The following SDCCAG8 variants were observed in gnomAD, a reference collection of about 807,000 sequenced individuals.
SDCCAG8 encodes SHH signaling and ciliogenesis regulator SDCCAG8.
Under a neutral mutation model 101.8 loss-of-function variants are expected in SDCCAG8, and 74 were observed. That is an observed-to-expected ratio of 0.73 (90% CI 0.60 to 0.88). SDCCAG8 has a LOEUF of 0.88. Ranked by LOEUF, SDCCAG8 falls within the 40% of genes least tolerant of loss-of-function variation. SDCCAG8 has a pLI of 0.00. For missense variants in SDCCAG8, 787 were observed against 822.6 expected (o/e 0.96, Z 0.53); for synonymous variants, 281 against 292.9 (o/e 0.96, Z 0.41).
At chr1:243,288,864 G>A (rs772154671) in intron 5 of SDCCAG8, among the ~76,000 whole-genome samples, 6 of 151,860 alleles carry the variant, frequency 4.0e-5, no homozygotes, top group Admixed American at 2.6e-4. Flanking sequence ...AAAATTAGCC[G>A]GGCGTGGTGG....
At chr1:243,411,657 T>C (rs1002230242) in intron 13 of SDCCAG8, among the ~76,000 whole-genome samples, 1 of 152,206 alleles carries the variant, frequency 6.6e-6, no homozygotes, top group Non-Finnish European at 1.5e-5. Context: ...GTGTTTACTT[T>C]TCTTGAATGG....
chr1:243,465,358 G>C (rs1035401801), intron 16 of SDCCAG8, among the ~76,000 whole-genome samples: 8 of 152,258 alleles, frequency 5.3e-5, no homozygotes, highest in African/African-American at 1.9e-4. Context: ...AGCGAGCCAG[G>C]AGAACCAGCG....
intron 13 of SDCCAG8, among the ~76,000 whole-genome samples, chr1:243,401,013 A>C (rs1057408880): frequency 6.6e-6 from 1 of 152,166 alleles, no homozygotes; most frequent in Non-Finnish European, 1.5e-5. Context: ...GAAGTTTAGC[A>C]CTCATAATGT....
chr1:243,480,742 T>G (rs1574302757), intron 16 of SDCCAG8, among the ~76,000 whole-genome samples: 3 of 61,028 alleles, frequency 4.9e-5, no homozygotes, highest in Admixed American at 2.2e-4. Context: ...GAATGGGGGA[T>G]GGATGGATGG....
intron 13 of SDCCAG8, among the ~76,000 whole-genome samples, chr1:243,411,975 C>T (rs1286715481): frequency 1.3e-5 from 2 of 152,146 alleles, no homozygotes; most frequent in African/African-American, 2.4e-5. Flanking sequence ...CATCCTTCAC[C>T]AGGCTCTCAC....
At chr1:243,264,145 A>G (rs745737101) in intron 1 of SDCCAG8, among the ~76,000 whole-genome samples, 36 of 152,148 alleles carry the variant, frequency 2.4e-4, no homozygotes, top group Middle Eastern at 3.2e-3. Context: ...TCTCTTTCAC[A>G]TCTCCCAGGA....
At chr1:243,445,004 A>C (rs567240760) in intron 16 of SDCCAG8, among the ~76,000 whole-genome samples, 1 of 152,254 alleles carries the variant, frequency 6.6e-6, no homozygotes, top group Non-Finnish European at 1.5e-5. Context: ...TTAATCATTT[A>C]TATATGTGGT....
At chr1:243,387,385 A>C (rs1389442826) in intron 13 of SDCCAG8, among the ~76,000 whole-genome samples, 5 of 152,182 alleles carry the variant, frequency 3.3e-5, no homozygotes, top group Admixed American at 3.3e-4. Flanking sequence ...CAAAACCTTA[A>C]AAATTCTTAT....
chr1:243,379,985 A>G (rs969975575), intron 13 of SDCCAG8, among the ~76,000 whole-genome samples: 1 of 152,228 alleles, frequency 6.6e-6, no homozygotes, highest in African/African-American at 2.4e-5. Flanking sequence ...GTGAGTGTTA[A>G]GATGCCTCTG....
At chr1:243,288,747 G>A (rs891635536) in intron 5 of SDCCAG8, among the ~76,000 whole-genome samples, 4 of 152,068 alleles carry the variant, frequency 2.6e-5, no homozygotes, top group Non-Finnish European at 5.9e-5. Flanking sequence ...AGTGGCTCAC[G>A]CCTGTAATCC....
chr1:243,427,733 G>T (rs780792416), intron 16 of SDCCAG8, among the ~76,000 whole-genome samples: 1 of 152,122 alleles, frequency 6.6e-6, no homozygotes, highest in Non-Finnish European at 1.5e-5. Context: ...ATTGAATGAA[G>T]ACAGGCAGTC....
chr1:243,499,882 G>GGCTGAGGC lies in SDCCAG8; in HGVS notation c.*98_*99insCTGAGGCG. ...GCCACAACGCACCACGACCTTCCCA[G>GGCTGAGGC]GGTGACACCGCCTCAGCCTGCAGTG... On this transcript the variant is annotated 3_prime_UTR_variant, in exon 18 of 18. Coordinates refer to ENST00000366541, the MANE Select transcript of SDCCAG8 (RefSeq NM_006642.5). 1 of 1,180,672 alleles carries GGCTGAGGC rather than the reference G, an allele frequency of 8.5e-7. No homozygotes were observed. Among genetic ancestry groups the GGCTGAGGC allele is most frequent in the Non-Finnish European group, 1.2e-6 (1 of 803,604 alleles). The allele number at this position is 1,180,672 out of a possible 1,614,324, so 73.1% of individuals were successfully genotyped here.
chr1:243,269,247 A>G (rs2067883296), intron 1 of SDCCAG8: 3 of 151,210 alleles, frequency 2.0e-5, no homozygotes, highest in Admixed American at 2.0e-4. Context: ...TTACAGGCCC[A>G]GTCAGTTTCA....
At chr1:243,498,129 G>A (rs1668495959) in intron 17 of SDCCAG8, among the ~76,000 whole-genome samples, 1 of 152,208 alleles carries the variant, frequency 6.6e-6, no homozygotes, top group South Asian at 2.1e-4. Flanking sequence ...GAGCAGGGGT[G>A]GAGGGCCATT....
At chr1:243,350,357 C>T (rs563975407) in intron 12 of SDCCAG8, among the ~76,000 whole-genome samples, 5 of 152,066 alleles carry the variant, frequency 3.3e-5, no homozygotes, top group African/African-American at 1.2e-4. Flanking sequence ...TATGGGAGCA[C>T]GCCACCACCC....
chr1:243,347,904 T>G (rs1190807819), intron 12 of SDCCAG8, among the ~76,000 whole-genome samples: 3 of 152,188 alleles, frequency 2.0e-5, no homozygotes, highest in Non-Finnish European at 4.4e-5. Flanking sequence ...AGGACCCTTT[T>G]GTTCAGAAAG....
intron 16 of SDCCAG8, among the ~76,000 whole-genome samples, chr1:243,448,753 C>A (rs1574101857): frequency 6.6e-6 from 1 of 152,220 alleles, no homozygotes; most frequent in South Asian, 2.1e-4. Flanking sequence ...ACTGTGACTC[C>A]TTAAGGACAG....
intron 1 of SDCCAG8, among the ~76,000 whole-genome samples, chr1:243,264,929 A>G (rs1221443615): frequency 6.6e-6 from 1 of 152,206 alleles, no homozygotes; most frequent in Non-Finnish European, 1.5e-5. Context: ...TCTCTTGGTT[A>G]GAAACAGATA....
chr1:243,356,123 A>G (rs574257568), intron 12 of SDCCAG8, among the ~76,000 whole-genome samples: 1 of 152,324 alleles, frequency 6.6e-6, no homozygotes, highest in Non-Finnish European at 1.5e-5. Flanking sequence ...AAGGTTTTAT[A>G]TAATAAGAAC....
Sources: allele counts gnomAD v4.1 joint callset (sites outside exome capture counted in the v4.1 genomes callset), GRCh38; gene constraint gnomAD v4.1.1; transcripts MANE v1.5; gene names NCBI Gene and HGNC (gene_info 2026-07-23, HGNC 2026-07-21).